Variants in ACER3 observed in about 807,000 individuals in gnomAD.
ACER3 encodes alkCDase 3.
ACER3 carries 16 observed loss-of-function variants against 48.9 expected under a neutral mutation model. The ratio of observed to expected loss-of-function variants is 0.33; its 90% confidence interval spans 0.22 to 0.50. The LOEUF (loss-of-function observed/expected upper bound fraction) is 0.50, where lower values mean the gene tolerates loss of function less well. Ranked by LOEUF, ACER3 falls within the 20% of genes least tolerant of loss-of-function variation. The pLI, the probability that ACER3 is intolerant of heterozygous loss-of-function variation, is 0.98. For missense variants in ACER3, 227 were observed against 326.0 expected (o/e 0.70, Z 2.34); for synonymous variants, 109 against 107.8 (o/e 1.01, Z -0.07).
At chr11:76,865,618 C>T (rs538865744) in intron 1 of ACER3, among the ~76,000 whole-genome samples, 42 of 151,598 alleles carry the variant, frequency 2.8e-4, no homozygotes, top group Non-Finnish European at 4.4e-4. Flanking sequence ...AAGCAATTCT[C>T]GTGCCTCAGC....
At chr11:76,999,054 A>G (rs1169388964) in intron 7 of ACER3, among the ~76,000 whole-genome samples, 2 of 152,164 alleles carry the variant, frequency 1.3e-5, no homozygotes, top group African/African-American at 4.8e-5. Context: ...GGGAAAATTA[A>G]AGAGAGCTGT....
chr11:76,905,818 A>G (rs1396772475), intron 1 of ACER3, among the ~76,000 whole-genome samples: 1 of 152,244 alleles, frequency 6.6e-6, no homozygotes, highest in Non-Finnish European at 1.5e-5. Context: ...TATTTGCAAA[A>G]TGATATTTAC....
chr11:76,977,217 CT>C lies in ACER3; in HGVS notation c.320+877del, dbSNP rs1287154787. Among the ~76,000 whole-genome samples the C allele has an allele frequency of 4.6e-5, 7 of 152,286 alleles. No homozygotes were observed. The East Asian group carries it at 1.4e-3, about 29-fold the overall frequency. On this transcript the variant is annotated intron_variant, in intron 4 of 10. Coordinates refer to ENST00000532485, the MANE Select transcript of ACER3 (RefSeq NM_018367.7). Reference sequence around the variant, plus strand: ...AGGCCATTGTCCAGGTAAACAGTCTCTAAGGAACACTGAAATATCCCTGGAA... The same window carrying C: ...AGGCCATTGTCCAGGTAAACAGTCTCAAGGAACACTGAAATATCCCTGGAA...
chr11:76,881,671 C>A (rs1945531029), intron 1 of ACER3, among the ~76,000 whole-genome samples: 1 of 152,018 alleles, frequency 6.6e-6, no homozygotes, highest in South Asian at 2.1e-4. Flanking sequence ...ATGTTATAAA[C>A]CTCCAAATAT....
intron 5 of ACER3, among the ~76,000 whole-genome samples, chr11:76,986,692 A>G (rs137994482): frequency 8.7e-4 from 133 of 152,354 alleles, no homozygotes; most frequent in African/African-American, 2.9e-3. Flanking sequence ...GCAGTGAATG[A>G]GTCTAGTGAA....
rs1946705536 is a variant in ACER3, at chr11:76,922,276, G to A, written c.104-4281G>A. 1.3e-5 allele frequency among the ~76,000 whole-genome samples: 2 copies of A among 152,084 alleles called. 1 individual carries two copies. The highest frequency in any genetic ancestry group is 4.1e-4 in the South Asian group (2 of 4,832). On this transcript the variant is annotated intron_variant, in intron 1 of 10. Transcript: ENST00000532485. ...ACCCTCCTGCACTCCCTGCCTCCAG[G>A]TAATTTGAAATGTATTACTGACTTC...
At chr11:76,927,252 T>A (rs1402109936) in intron 2 of ACER3, among the ~76,000 whole-genome samples, 1 of 152,350 alleles carries the variant, frequency 6.6e-6, no homozygotes, top group East Asian at 1.9e-4. Context: ...TGGAGGACTG[T>A]GTCTTAATGA....
intron 3 of ACER3, among the ~76,000 whole-genome samples, chr11:76,974,784 AAG>A (rs1375209078): frequency 1.3e-5 from 2 of 151,862 alleles, no homozygotes; most frequent in East Asian, 1.9e-4. Context: ...GTTAAAAAAA[AAG>A]GTGAATTTTA....
intron 3 of ACER3, among the ~76,000 whole-genome samples, chr11:76,968,203 G>A (rs1948190232): frequency 6.6e-6 from 1 of 150,958 alleles, no homozygotes; most frequent in African/African-American, 2.4e-5. Context: ...TTGCTTCAAA[G>A]AGAATAAAAT....
At chr11:76,951,088 TG>T (rs1947655359) in intron 2 of ACER3, among the ~76,000 whole-genome samples, 1 of 152,224 alleles carries the variant, frequency 6.6e-6, no homozygotes. Context: ...GGATCAGCTC[TG>T]ACTTTTTAAA....
rs765136007 is a variant in ACER3, at chr11:76,868,206, G to A, written c.103+7127G>A. The A allele has an allele frequency of 3.9e-6, 5 of 1,289,732 alleles. No individual in the cohort carries two copies. The South Asian group carries it at 4.9e-5, about 13-fold the overall frequency. 79.9% of individuals were successfully genotyped at this position (1,289,732 alleles called of 1,614,324 possible). ...TTTTTTGGTCTTGGGACTCTGGGCT[G>A]GCAGAGGTGACATCCCTGTCATATG... is the stretch of plus-strand genomic sequence containing the variant. On this transcript the variant is annotated intron_variant, in intron 1 of 10. Transcript: ENST00000532485.
At chr11:76,919,025 C>G (rs554862663) in intron 1 of ACER3, among the ~76,000 whole-genome samples, 1 of 152,160 alleles carries the variant, frequency 6.6e-6, no homozygotes, top group Non-Finnish European at 1.5e-5. Flanking sequence ...AGGCTCAAAC[C>G]AGTTACAGCT....
At chr11:76,928,343 T>C (rs946907610) in intron 2 of ACER3, among the ~76,000 whole-genome samples, 3 of 152,236 alleles carry the variant, frequency 2.0e-5, no homozygotes, top group Non-Finnish European at 2.9e-5. Flanking sequence ...TTGAGTTCTT[T>C]GTAGATTCTG....
At chr11:76,880,755 A>G (rs1347871496) in intron 1 of ACER3, among the ~76,000 whole-genome samples, 1 of 152,174 alleles carries the variant, frequency 6.6e-6, no homozygotes, top group African/African-American at 2.4e-5. Flanking sequence ...TATATTTTTT[A>G]GTTTATATGG....
intron 2 of ACER3, among the ~76,000 whole-genome samples, chr11:76,952,457 A>G (rs910937156): frequency 6.6e-6 from 1 of 151,698 alleles, no homozygotes; most frequent in African/African-American, 2.4e-5. Flanking sequence ...ACAGGGTTTC[A>G]CTAAGTTGGC....
At chr11:77,002,528 A>T (rs1408390279) in intron 7 of ACER3, among the ~76,000 whole-genome samples, 4 of 152,084 alleles carry the variant, frequency 2.6e-5, no homozygotes, top group Non-Finnish European at 5.9e-5. Context: ...TTGTATCTGT[A>T]TTCATGGAGG....
intron 1 of ACER3, among the ~76,000 whole-genome samples, chr11:76,863,747 CT>C (rs1229649063): frequency 1.3e-5 from 2 of 152,176 alleles, no homozygotes; most frequent in African/African-American, 2.4e-5. Context: ...TATATCTTAT[CT>C]CTTTTGATCT....
intron 1 of ACER3, among the ~76,000 whole-genome samples, chr11:76,862,573 G>A (rs1944969104): frequency 6.6e-6 from 1 of 152,182 alleles, no homozygotes; most frequent in South Asian, 2.1e-4. Context: ...CATGCACTCT[G>A]CGCTGGAAAT....
intron 1 of ACER3, among the ~76,000 whole-genome samples, chr11:76,910,700 T>C (rs1946356439): frequency 6.6e-6 from 1 of 152,134 alleles, no homozygotes; most frequent in Non-Finnish European, 1.5e-5. Context: ...AGTAATAATA[T>C]ATAGTTTTCT....
Sources: allele counts gnomAD v4.1 joint callset (sites outside exome capture counted in the v4.1 genomes callset), GRCh38; gene constraint gnomAD v4.1.1; transcripts MANE v1.5; gene names NCBI Gene and HGNC (gene_info 2026-07-23, HGNC 2026-07-21).